Variants in FAH observed in about 807,000 individuals in gnomAD.
FAH encodes fumarylacetoacetase.
FAH carries 47 observed loss-of-function variants against 55.8 expected under a neutral mutation model. That is an observed-to-expected ratio of 0.84 (90% confidence interval 0.67 to 1.07). The LOEUF (loss-of-function observed/expected upper bound fraction) is 1.07. Among genes scored for constraint, FAH ranks in the 50% least tolerant of loss-of-function variants. The pLI, the probability that FAH is intolerant of heterozygous loss-of-function variation, is 0.00. For synonymous variants in FAH, 199 were observed against 207.7 expected (o/e 0.96, Z 0.36); for missense variants, 495 against 545.9 (o/e 0.91, Z 0.93).
At chr15:80,179,406 G>A (rs2041311030) in intron 11 of FAH, among the ~76,000 whole-genome samples, 1 of 152,198 alleles carries the variant, frequency 6.6e-6, no homozygotes, top group African/African-American at 2.4e-5. Flanking sequence ...AAATTAAGGG[G>A]CCTCCTTGCA....
chr15:80,179,130 C>T (rs2041308932), intron 11 of FAH, among the ~76,000 whole-genome samples: 1 of 152,182 alleles, frequency 6.6e-6, no homozygotes, highest in South Asian at 2.1e-4. Context: ...GTATATACTC[C>T]CACTAGCAGC....
chr15:80,163,732 G>A (rs1311807429), intron 5 of FAH: 1 of 152,188 alleles, frequency 6.6e-6, no homozygotes, highest in Non-Finnish European at 1.5e-5. Flanking sequence ...TTAAAAATGT[G>A]TCTACTCTTT....
At chr15:80,159,681 G>A (rs781095615) in intron 2 of FAH, 75 bp from the exon 3 acceptor site, 18 of 1,565,022 alleles carry the variant, frequency 1.2e-5, no homozygotes, top group Non-Finnish European at 1.4e-5. Context: ...CAGGCTGGCT[G>A]GCCTTCCATT....
In FAH at chr15:80,158,143, C is replaced by G. The variant is rs28733633; in HGVS notation, c.165C>G (p.Leu55=). The part of the protein sequence containing the change: ...IIKHLFTGPV[L]SKHQDVFNQP... ...AGCACCTCTTTACTGGTCCTGTCCT[C>G]TCCAAACACCAGGATGTCTTCAATC... is the stretch of plus-strand genomic sequence containing the variant. The change falls in exon 2 of 14, where the codon CTC becomes CTG. Residue 55 remains leucine, a synonymous_variant. Transcript: ENST00000561421. 6.2e-7 allele frequency: 1 copy of G among 1,613,870 alleles called. No individual in the cohort carries two copies. The highest frequency in any genetic ancestry group is 8.5e-7 in the Non-Finnish European group (1 of 1,179,730).
At chr15:80,154,374 G>A (rs113519661) in intron 1 of FAH, among the ~76,000 whole-genome samples, 3,285 of 152,300 alleles carry the variant, frequency 0.022, 131 homozygotes, top group African/African-American at 0.071. Context: ...CAGGGGAATC[G>A]AATTAATATC....
At chr15:80,172,736 T>C (rs1421965572) in intron 8 of FAH, among the ~76,000 whole-genome samples, 1 of 152,140 alleles carries the variant, frequency 6.6e-6, no homozygotes, top group African/African-American at 2.4e-5. Context: ...GTCTCTCTCA[T>C]AGTTTGAGAA....
chr15:80,183,286 G>A (rs1239682649), intron 13 of FAH, among the ~76,000 whole-genome samples: 1 of 152,098 alleles, frequency 6.6e-6, no homozygotes, highest in Non-Finnish European at 1.5e-5. Context: ...AAGAGGAGAG[G>A]CATACATTAT....
rs2041271862 is a variant in FAH, at chr15:80,175,108, C to A, written c.913+17C>A. On this transcript the variant is annotated intron_variant, in intron 10 of 13. Transcript: ENST00000561421. ...ACCTGAAAGGTATGTTGTAGGGGGACTGACATGGCCAGGAGCTCTGAGGCA... is the reference window on the plus strand; with the variant it reads ...ACCTGAAAGGTATGTTGTAGGGGGAATGACATGGCCAGGAGCTCTGAGGCA... 6.2e-7 allele frequency: 1 copy of A among 1,609,738 alleles called. No homozygotes were observed.
chr15:80,174,539 C>T (rs1030736041), intron 9 of FAH, among the ~76,000 whole-genome samples: 3 of 152,220 alleles, frequency 2.0e-5, no homozygotes, highest in South Asian at 2.1e-4. Flanking sequence ...TGCTTTTGGC[C>T]GGAGTGCAGG....
rs2041111274 is a variant in FAH at position 80,157,778 on chromosome 15, A to G, written c.82-282A>G. On this transcript the variant is annotated intron_variant, in intron 1 of 13. Transcript: ENST00000561421. Reference sequence around the variant, plus strand: ...CTTTGCAGGGGTCTTTGCCCAGGTTAAGTGGCTAGGACCAGGCTGACTGCT... The same window carrying G: ...CTTTGCAGGGGTCTTTGCCCAGGTTGAGTGGCTAGGACCAGGCTGACTGCT... 6.2e-6 allele frequency: 3 copies of G among 486,676 alleles called. No homozygotes were observed. In the South Asian group the frequency reaches 6.3e-5, roughly 10 times the overall value. 30.1% of individuals were successfully genotyped at this position (486,676 alleles called of 1,614,324 possible).
At chr15:80,159,903 G>A (rs767412192) in intron 3 of FAH, 26 bp downstream of exon 3, 3 of 1,612,784 alleles carry the variant, frequency 1.9e-6, no homozygotes, top group Admixed American at 1.7e-5. Flanking sequence ...TCATAGGGGG[G>A]ATGAGGGGAT....
intron 1 of FAH, 195 bp from the exon 2 acceptor site, chr15:80,157,865 C>T (rs1220689427): frequency 3.2e-6 from 2 of 616,914 alleles, no homozygotes; most frequent in Non-Finnish European, 5.8e-6. Flanking sequence ...ATTATTTTTC[C>T]TTTTAGTTCT....
At chr15:80,158,247 G>T (rs546563060) in intron 2 of FAH, 77 bp downstream of exon 2, 2 of 1,025,514 alleles carry the variant, frequency 2.0e-6, no homozygotes, top group East Asian at 2.4e-5. Flanking sequence ...TGCTCCTTGC[G>T]TTCCATTTCC....
At chr15:80,168,523 T>C in intron 7 of FAH, 1 of 612,030 alleles carries the variant, frequency 1.6e-6, no homozygotes, top group Non-Finnish European at 2.9e-6. Context: ...AACTACTTGC[T>C]AATATTTATT....
At chr15:80,173,684 A>G (rs2041259736) in intron 9 of FAH, 1 of 236,462 alleles carries the variant, frequency 4.2e-6, no homozygotes, top group Non-Finnish European at 8.5e-6. Flanking sequence ...ACACCTGGCC[A>G]GAGTCACCTG....
chr15:80,164,223 G>A (rs985574751), intron 5 of FAH, among the ~76,000 whole-genome samples: 3 of 152,156 alleles, frequency 2.0e-5, no homozygotes, highest in African/African-American at 7.2e-5. Context: ...CTCTAGGAGA[G>A]AACCCATTTC....
intron 4 of FAH, 32 bp downstream of exon 4, chr15:80,160,491 G>A (rs764624597): frequency 9.9e-6 from 16 of 1,610,496 alleles, no homozygotes; most frequent in Middle Eastern, 3.3e-4. Context: ...AGATAAGAAC[G>A]GAGCAGCTTC....
At chr15:80,153,270 G>C in intron 1 of FAH, 135 bp downstream of exon 1, 2 of 765,474 alleles carry the variant, frequency 2.6e-6, no homozygotes, top group Non-Finnish European at 4.5e-6. Context: ...CTTAAGATTC[G>C]TTCCGTGAGA....
chr15:80,157,030 GT>G (rs2041105609), intron 1 of FAH: 1 of 152,322 alleles, frequency 6.6e-6, no homozygotes, highest in South Asian at 2.1e-4. Flanking sequence ...GATTCAGGTG[GT>G]TCAGCTCTTT....
Sources: allele counts gnomAD v4.1 joint callset (sites outside exome capture counted in the v4.1 genomes callset), GRCh38; gene constraint gnomAD v4.1.1; transcripts MANE v1.5; gene names NCBI Gene and HGNC (gene_info 2026-07-23, HGNC 2026-07-21).